FBXL5: variants seen among roughly 807,000 people sequenced by gnomAD.
The protein encoded by FBXL5 is F-box and leucine rich repeat protein 5, also known as F-box/LRR-repeat protein 5.
A neutral mutation model predicts 78.3 loss-of-function variants in FBXL5; 26 were observed. The ratio of observed to expected loss-of-function variants is 0.33; its 90% CI spans 0.24 to 0.46. FBXL5 has a LOEUF of 0.46. Among genes scored for constraint, FBXL5 ranks in the 20% least tolerant of loss-of-function variants. The pLI is 1.00. For synonymous variants in FBXL5, 295 were observed against 282.5 expected, an observed-to-expected ratio of 1.04 and a Z score of -0.45; for missense variants, 710 against 829.2, an observed-to-expected ratio of 0.86 and a Z score of 1.77.
intron 1 of FBXL5, among the ~76,000 whole-genome samples, chr4:15,670,451 C>T (rs1430610381): frequency 6.6e-6 from 1 of 152,180 alleles, no homozygotes; most frequent in Non-Finnish European, 1.5e-5. Context: ...ATTGGTGTTA[C>T]CATCATATCT....
chr4:15,667,997 C>T (rs886778817), intron 1 of FBXL5, among the ~76,000 whole-genome samples: 8 of 150,228 alleles, frequency 5.3e-5, no homozygotes, highest in East Asian at 3.9e-4. Context: ...GCCAAGATTG[C>T]GCCATTGCAC....
chr4:15,639,387 C>T (rs888611098), intron 3 of FBXL5, among the ~76,000 whole-genome samples: 1 of 152,160 alleles, frequency 6.6e-6, no homozygotes, highest in Non-Finnish European at 1.5e-5. Flanking sequence ...AGAGTAGTAC[C>T]CAGTGTAGTG....
intron 3 of FBXL5, among the ~76,000 whole-genome samples, chr4:15,639,155 ACT>A (rs1463913391): frequency 6.6e-6 from 1 of 152,176 alleles, no homozygotes; most frequent in African/African-American, 2.4e-5. Context: ...CAAGAGCGAA[ACT>A]CTGTCTCCAG....
chr4:15,672,397 C>G (rs781684235), intron 1 of FBXL5, among the ~76,000 whole-genome samples: 10 of 152,224 alleles, frequency 6.6e-5, no homozygotes, highest in East Asian at 1.9e-4. Flanking sequence ...ATGTGACCAT[C>G]ATAGAGTACT....
At chr4:15,668,833 TC>T (rs1404021751) in intron 1 of FBXL5, among the ~76,000 whole-genome samples, 4 of 152,238 alleles carry the variant, frequency 2.6e-5, no homozygotes, top group African/African-American at 9.6e-5. Context: ...TCACATATTT[TC>T]TTCTAACATG....
At chr4:15,608,906 CTCAG>C (rs1465805908) in intron 10 of FBXL5, among the ~76,000 whole-genome samples, 2 of 152,118 alleles carry the variant, frequency 1.3e-5, no homozygotes, top group Admixed American at 6.5e-5. Flanking sequence ...CTGTTTTAAA[CTCAG>C]TATCACATTG....
chr4:15,653,330 T>C (rs1297199696), intron 1 of FBXL5, among the ~76,000 whole-genome samples: 1 of 152,136 alleles, frequency 6.6e-6, no homozygotes, highest in Non-Finnish European at 1.5e-5. Flanking sequence ...AAAAAGCAAC[T>C]GCATTTTCAA....
intron 5 of FBXL5, among the ~76,000 whole-genome samples, chr4:15,632,455 C>A (rs911260403): frequency 6.6e-6 from 1 of 152,140 alleles, no homozygotes; most frequent in Non-Finnish European, 1.5e-5. Context: ...GTGAAGAAAG[C>A]CATTGGTAGC....
chr4:15,643,324 G>C (rs766035376), intron 2 of FBXL5, among the ~76,000 whole-genome samples: 7 of 152,180 alleles, frequency 4.6e-5, no homozygotes, highest in Admixed American at 2.0e-4. Flanking sequence ...CTCCAGGTGA[G>C]GAGCACATGG....
upstream of FBXL5, among the ~76,000 whole-genome samples, chr4:15,661,913 C>G (rs1463180737): frequency 2.6e-5 from 4 of 152,184 alleles, no homozygotes; most frequent in African/African-American, 9.7e-5. Context: ...GCCTCACATC[C>G]TCATAGGCTG....
At chr4:15,660,714 A>G (rs574276795), upstream of FBXL5, among the ~76,000 whole-genome samples, 1 of 152,152 alleles carries the variant, frequency 6.6e-6, no homozygotes, top group African/African-American at 2.4e-5. Context: ...AATCTACAAC[A>G]TGTGTAAAAA....
At chr4:15,629,066 T>A (rs964922501) in intron 6 of FBXL5, among the ~76,000 whole-genome samples, 8 of 152,044 alleles carry the variant, frequency 5.3e-5, no homozygotes, top group Non-Finnish European at 1.2e-4. Flanking sequence ...AGTTAAACAT[T>A]CTATGAAAAA....
intron 1 of FBXL5, 152 bp from the exon 2 acceptor site, chr4:15,644,860 A>C: frequency 1.6e-6 from 1 of 626,190 alleles, no homozygotes; most frequent in South Asian, 2.2e-5. Context: ...TAAATTAACA[A>C]GTTATAATGG....
At chr4:15,664,966 T>A (rs1037324886) in intron 1 of FBXL5, among the ~76,000 whole-genome samples, 5 of 152,150 alleles carry the variant, frequency 3.3e-5, no homozygotes, top group Admixed American at 2.6e-4. Flanking sequence ...AGTTTAAGGT[T>A]GAAGTTTAGA....
chr4:15,628,063 T>A, intron 6 of FBXL5, 30 bp from the exon 7 acceptor site: 1 of 1,596,900 alleles, frequency 6.3e-7, no homozygotes, highest in Admixed American at 1.7e-5. Context: ...GTCCAAGAAC[T>A]TGATAAACTG....
intron 1 of FBXL5, among the ~76,000 whole-genome samples, chr4:15,668,247 T>C (rs1717628112): frequency 6.6e-6 from 1 of 151,068 alleles, no homozygotes; most frequent in Non-Finnish European, 1.5e-5. Context: ...CATTATCTAG[T>C]ATGGTATTTT....
chr4:15,632,326 A>G (rs1713756447), intron 5 of FBXL5, among the ~76,000 whole-genome samples: 1 of 152,088 alleles, frequency 6.6e-6, no homozygotes, highest in Non-Finnish European at 1.5e-5. Flanking sequence ...GCCTTGTAGT[A>G]TAGTTTGAGG....
upstream of FBXL5, among the ~76,000 whole-genome samples, chr4:15,663,835 T>C (rs1053836044): frequency 6.6e-6 from 1 of 152,194 alleles, no homozygotes; most frequent in Admixed American, 6.5e-5. Context: ...TGCCAAGGTT[T>C]CTGTATTCTC....
upstream of FBXL5, chr4:15,659,682 A>G (rs990359185): frequency 3.1e-5 from 30 of 972,844 alleles, no homozygotes; most frequent in Non-Finnish European, 3.7e-5. Context: ...ATTTTCAGAC[A>G]GAGAAGAGCC....
Sources: allele counts gnomAD v4.1 joint callset (sites outside exome capture counted in the v4.1 genomes callset), GRCh38; gene constraint gnomAD v4.1.1; transcripts MANE v1.5; gene names NCBI Gene and HGNC (gene_info 2026-07-23, HGNC 2026-07-21).